The following CACNA1C variants were observed in gnomAD, a reference collection of about 807,000 sequenced individuals.
CACNA1C encodes voltage-dependent L-type calcium channel subunit alpha-1C.
A neutral mutation model predicts 229.0 loss-of-function variants in CACNA1C; 30 were observed. That is an observed-to-expected ratio of 0.13 (90% CI 0.10 to 0.18). CACNA1C has a LOEUF of 0.18. Among genes scored for constraint, CACNA1C ranks in the 10% least tolerant of loss-of-function variants. CACNA1C has a pLI of 1.00. For missense variants in CACNA1C, 1,658 were observed against 2,845.0 expected (o/e 0.58, Z 9.49); for synonymous variants, 1,114 against 1,132.5 (o/e 0.98, Z 0.33).
chr12:2,482,259 T>TC (rs1417446798), intron 5 of CACNA1C, among the ~76,000 whole-genome samples: 1 of 152,148 alleles, frequency 6.6e-6, no homozygotes, highest in Non-Finnish European at 1.5e-5. Flanking sequence ...TCCACTAGAC[T>TC]CCCCCGCCTT....
At chr12:2,016,514 C>A (rs2045400121) in intron 1 of CACNA1C, among the ~76,000 whole-genome samples, 3 of 152,076 alleles carry the variant, frequency 2.0e-5, no homozygotes, top group Admixed American at 2.0e-4. Flanking sequence ...ACTGCAACCT[C>A]CTCCTCCCGG....
In CACNA1C at chr12:2,064,170, C is replaced by T. The variant is rs377037525; in HGVS notation, c.49+10559C>T. 9.9e-5 allele frequency among the ~76,000 whole-genome samples: 15 copies of T among 152,196 alleles called. No individual in the cohort carries two copies. In the East Asian group the frequency reaches 1.2e-3, roughly 12 times the overall value. The stretch of plus-strand genomic sequence containing the variant: ...TCAAAAAAACAAAATGAAACAAAAA[C>T]GAAACAAAAAAAACCGGTGTCTCTA... On this transcript the variant is annotated intron_variant, in intron 1 of 46. Coordinates refer to ENST00000399655, the MANE Select transcript of CACNA1C (RefSeq NM_000719.7).
chr12:2,421,034 A>T (rs914400854), intron 3 of CACNA1C, among the ~76,000 whole-genome samples: 3 of 151,926 alleles, frequency 2.0e-5, no homozygotes, highest in Non-Finnish European at 4.4e-5. Flanking sequence ...ACTATTAGTG[A>T]CTAACTAAGT....
intron 3 of CACNA1C, among the ~76,000 whole-genome samples, chr12:2,431,627 A>G (rs745671840): frequency 1.4e-4 from 21 of 152,190 alleles, no homozygotes; most frequent in Middle Eastern, 3.4e-3. Flanking sequence ...TAATGATGAT[A>G]CCCACCTCCC....
chr12:2,651,503 A>AG lies in CACNA1C; in HGVS notation c.3946-132dup. 7.6e-7 allele frequency: 1 copy of AG among 1,319,172 alleles called. No homozygotes were observed. The highest frequency in any genetic ancestry group is 1.1e-6 in the Non-Finnish European group (1 of 926,932). The allele number at this position is 1,319,172 out of a possible 1,614,324, so 81.7% of individuals were successfully genotyped here. ...AAGTGGGCGGCCGCCCTCCCATCGG[A>AG]GGGGGAAGTCTAGTGCAGCAAACCC... On this transcript the variant is annotated intron_variant, in intron 31 of 46. Coordinates refer to ENST00000399655, the MANE Select transcript of CACNA1C (RefSeq NM_000719.7). The surrounding 1 kb of genome is among the most constrained non-coding windows in gnomAD (Gnocchi z 5.4).
chr12:2,187,902 A>C (rs1403982590), intron 3 of CACNA1C, among the ~76,000 whole-genome samples: 2 of 152,160 alleles, frequency 1.3e-5, no homozygotes, highest in African/African-American at 2.4e-5. Flanking sequence ...CAGGACGGGG[A>C]CTGAGCTGAG....
rs117189819 is a variant in CACNA1C at position 2,126,966 on chromosome 12, G to A, written c.477+6536G>A. ...GGCCTCAGAAGGGTGGGAAAGAAGA[G>A]ACCAAAACGCTGTGCTTTTTGGCAG... On this transcript the variant is annotated intron_variant, in intron 3 of 46. Transcript: ENST00000399655. Among the ~76,000 whole-genome samples, 985 of 152,322 alleles carry A rather than the reference G, an allele frequency of 6.5e-3. 6 individuals are homozygous for A. Among genetic ancestry groups the A allele is most frequent in the Non-Finnish European group, 0.012 (784 of 68,026 alleles).
intron 10 of CACNA1C, chr12:2,550,642 C>T (rs1297673696): frequency 1.5e-6 from 2 of 1,350,382 alleles, no homozygotes; most frequent in East Asian, 4.6e-5. Context: ...CAAACAGAGG[C>T]TCTGAGTCAG....
At chr12:2,250,428 G>T (rs1474862604) in intron 3 of CACNA1C, among the ~76,000 whole-genome samples, 1 of 152,258 alleles carries the variant, frequency 6.6e-6, no homozygotes, top group African/African-American at 2.4e-5. Flanking sequence ...AGTCAGGATT[G>T]TGGGTGTGGT....
chr12:2,361,207 C>A (rs1173603101), intron 3 of CACNA1C, among the ~76,000 whole-genome samples: 3 of 151,230 alleles, frequency 2.0e-5, no homozygotes, highest in African/African-American at 7.3e-5. Flanking sequence ...TTTAATTTTG[C>A]TTCTAACCTT....
At chr12:2,020,792 C>T (rs1020368658) in intron 1 of CACNA1C, among the ~76,000 whole-genome samples, 19 of 152,300 alleles carry the variant, frequency 1.2e-4, no homozygotes, top group African/African-American at 4.6e-4. Context: ...CTGCCTAATA[C>T]ATAAATTTGC....
intron 29 of CACNA1C, chr12:2,613,421 C>A (rs2078872716): frequency 6.6e-6 from 1 of 152,176 alleles, no homozygotes; most frequent in Non-Finnish European, 1.5e-5. Flanking sequence ...TTTCCCATGT[C>A]AAGTGTTCTG....
chr12:2,380,584 G>A (rs2098214861), intron 3 of CACNA1C, among the ~76,000 whole-genome samples: 1 of 152,110 alleles, frequency 6.6e-6, no homozygotes, highest in Non-Finnish European at 1.5e-5. Context: ...TAATAGGTTG[G>A]TTAGATTCCC....
rs786205782 is a variant in CACNA1C, at chr12:2,053,575, AAT to A, written c.15_16del (p.Thr6GlufsTer35). On this transcript the variant is annotated frameshift_variant, in exon 1 of 47. Coordinates refer to ENST00000399655, the MANE Select transcript of CACNA1C (RefSeq NM_000719.7). LOFTEE classifies it high-confidence loss of function. This position sits in a 1 kb window ranked among gnomAD's most constrained non-coding sequence, Gnocchi z 5.8. ...CCATTTTTGGTCCATGGTCAATGAG[AAT>A]ACGAGGATGTACATTCCAGAGGAAA... MVNENTRMYIPEENH... is the reference protein window; with the variant it reads MVNEXTRMYIPEENH... 29 of 1,600,686 alleles carry A rather than the reference AAT, an allele frequency of 1.8e-5. No homozygotes were observed. The highest frequency in any genetic ancestry group is 2.5e-5 in the Non-Finnish European group (29 of 1,173,766).
chr12:2,095,278 G>C (rs1224982139), intron 1 of CACNA1C, among the ~76,000 whole-genome samples: 1 of 152,208 alleles, frequency 6.6e-6, no homozygotes, highest in Admixed American at 6.5e-5. Flanking sequence ...GGTCCAATTT[G>C]TCTTAAAGGT....
In CACNA1C at chr12:2,488,827, C is replaced by G. The variant is rs995356984; in HGVS notation, c.916+2565C>G. Among the ~76,000 whole-genome samples the G allele has an allele frequency of 1.3e-5, 2 of 152,226 alleles. No individual in the cohort carries two copies. Among genetic ancestry groups the G allele is most frequent in the African/African-American group, 4.8e-5 (2 of 41,468 alleles). On this transcript the variant is annotated intron_variant, in intron 6 of 46. Coordinates refer to ENST00000399655, the MANE Select transcript of CACNA1C (RefSeq NM_000719.7). This position sits in a 1 kb window ranked among gnomAD's most constrained non-coding sequence, Gnocchi z 4.0. ...GAAGCCTGTCCTCTCAAATACTCTG[C>G]AATCAGGAGCTTGCTGTCCCTTCGT...
chr12:2,373,314 C>G (rs1265425873), intron 3 of CACNA1C, among the ~76,000 whole-genome samples: 6 of 152,186 alleles, frequency 3.9e-5, no homozygotes, highest in Admixed American at 3.9e-4. Flanking sequence ...CTGAATAACA[C>G]GAACGGGGTT....
chr12:2,621,899 G>A (rs1017695555), intron 29 of CACNA1C, among the ~76,000 whole-genome samples: 6 of 152,184 alleles, frequency 3.9e-5, no homozygotes, highest in Non-Finnish European at 5.9e-5. Flanking sequence ...TCAGACAGGC[G>A]ATCTGGGCTG....
intron 3 of CACNA1C, among the ~76,000 whole-genome samples, chr12:2,151,697 T>C (rs969309904): frequency 6.6e-6 from 1 of 152,176 alleles, no homozygotes; most frequent in Non-Finnish European, 1.5e-5. Flanking sequence ...TTACCTTGTC[T>C]TGGCCTCCAT....
Sources: gnomAD v4.1 joint callset for allele counts (sites outside exome capture counted in the v4.1 genomes callset) on GRCh38, gnomAD v4.1.1 for gene constraint, Gnocchi (gnomAD v3.1) non-coding constraint, MANE v1.5 for transcripts, NCBI Gene and HGNC (gene_info 2026-07-23, HGNC 2026-07-21) for gene names.